Variants in CSMD1 observed in about 807,000 individuals in gnomAD.
CSMD1 encodes CUB and sushi domain-containing protein 1.
In CSMD1, 213 loss-of-function variants were observed where a neutral mutation model predicts 417.5. That is an observed-to-expected ratio of 0.51 (90% CI 0.46 to 0.57). The LOEUF is 0.57. Ranked by LOEUF, CSMD1 falls within the 20% of genes least tolerant of loss-of-function variation. The probability of loss-of-function intolerance (pLI) is 0.00; values close to 1 mark genes in which losing one functional copy is unlikely to be tolerated. For synonymous variants in CSMD1, 2,862 were observed against 1,736.8 expected (o/e 1.65, Z -16.11); for missense variants, 6,923 against 4,529.7 (o/e 1.53, Z -15.17).
chr8:4,209,252 G>A (rs1460834773), intron 3 of CSMD1, among the ~76,000 whole-genome samples: 2 of 152,136 alleles, frequency 1.3e-5, no homozygotes, highest in African/African-American at 2.4e-5. Context: ...AAACGAAAAA[G>A]AGGCAGCCAG....
At chr8:3,216,318 TTC>T (rs1797878523) in intron 29 of CSMD1, among the ~76,000 whole-genome samples, 1 of 152,162 alleles carries the variant, frequency 6.6e-6, no homozygotes, top group Non-Finnish European at 1.5e-5. Context: ...TGCTCAGTTT[TTC>T]TGATATTTTA....
In CSMD1 at chr8:4,689,058, T is replaced by G. The variant is rs181439934; in HGVS notation, c.86-51500A>C. 5.4e-4 allele frequency among the ~76,000 whole-genome samples: 82 copies of G among 152,330 alleles called. 1 individual carries two copies. Among genetic ancestry groups the G allele is most frequent in the South Asian group, 2.7e-3 (13 of 4,822 alleles). Reference sequence around the variant, plus strand: ...TCTGCTGTCCACATAATAACTTGCTTTATTCAAGAGTGAATACATTTGCAC... The same window carrying G: ...TCTGCTGTCCACATAATAACTTGCTGTATTCAAGAGTGAATACATTTGCAC... On this transcript the variant is annotated intron_variant, in intron 1 of 69. Coordinates refer to ENST00000635120, the MANE Select transcript of CSMD1 (RefSeq NM_033225.6).
At chr8:3,888,383 G>C (rs1333741861) in intron 5 of CSMD1, among the ~76,000 whole-genome samples, 1 of 152,198 alleles carries the variant, frequency 6.6e-6, no homozygotes, top group East Asian at 1.9e-4. Flanking sequence ...AAGCTTCATA[G>C]AGAAGCCTAT....
At chr8:4,117,412 C>T (rs1282868885) in intron 3 of CSMD1, among the ~76,000 whole-genome samples, 1 of 151,910 alleles carries the variant, frequency 6.6e-6, no homozygotes, top group Admixed American at 6.6e-5. Flanking sequence ...CTCTGCCTGC[C>T]GCAAGGTAAA....
chr8:4,232,757 C>G (rs939948476), intron 3 of CSMD1, among the ~76,000 whole-genome samples: 2 of 152,214 alleles, frequency 1.3e-5, no homozygotes, highest in African/African-American at 4.8e-5. Flanking sequence ...TCACTGCTAT[C>G]TGGTTAAAAC....
rs570087116 is a variant in CSMD1 at position 4,380,377 on chromosome 8, T to C, written c.415+39576A>G. On this transcript the variant is annotated intron_variant, in intron 3 of 69. Coordinates refer to ENST00000635120, the MANE Select transcript of CSMD1 (RefSeq NM_033225.6). ...ACCTCTAGTTTTCCTCCCAAAAATC[T>C]ATAGCTCCAGTCAACACATGAGGAA... 2.6e-5 allele frequency among the ~76,000 whole-genome samples: 4 copies of C among 152,284 alleles called. No individual in the cohort carries two copies. The South Asian group carries it at 8.3e-4, about 32-fold the overall frequency.
intron 26 of CSMD1, among the ~76,000 whole-genome samples, chr8:3,269,334 G>C (rs575033448): frequency 6.6e-6 from 1 of 152,334 alleles, no homozygotes; most frequent in East Asian, 1.9e-4. Flanking sequence ...GATGGCTCCA[G>C]CTACGCTTGT....
rs149859905 is a variant in CSMD1, at chr8:3,574,170, A to G, written c.1344+775T>C. Among the ~76,000 whole-genome samples the G allele has an allele frequency of 5.3e-5, 8 of 152,370 alleles. No homozygotes were observed. The East Asian group carries it at 1.5e-3, about 29-fold the overall frequency. ...AGAGGAAAACACGCTCAGATGTTTAATTCTTGAAAAACGTATATAGCTTAT... is the reference window on the plus strand; with the variant it reads ...AGAGGAAAACACGCTCAGATGTTTAGTTCTTGAAAAACGTATATAGCTTAT... On this transcript the variant is annotated intron_variant, in intron 10 of 69. Coordinates refer to ENST00000635120, the MANE Select transcript of CSMD1 (RefSeq NM_033225.6).
intron 20 of CSMD1, among the ~76,000 whole-genome samples, chr8:3,366,385 AG>A (rs34367307): frequency 0.23 from 34,695 of 152,066 alleles, 4,001 homozygotes; most frequent in Middle Eastern, 0.28. Flanking sequence ...TCTTATCTGT[AG>A]AAAAAATTAG....
chr8:3,471,353 C>G (rs1004951566), intron 11 of CSMD1, among the ~76,000 whole-genome samples: 3 of 152,136 alleles, frequency 2.0e-5, no homozygotes, highest in African/African-American at 4.8e-5. Context: ...AGATACCAGT[C>G]CTTGTCAGAA....
chr8:3,050,124 G>A (rs963821337), intron 50 of CSMD1, among the ~76,000 whole-genome samples: 3 of 145,926 alleles, frequency 2.1e-5, no homozygotes, highest in Admixed American at 2.0e-4. Context: ...AAAAAAAACT[G>A]ATGATTGGTC....
intron 3 of CSMD1, among the ~76,000 whole-genome samples, chr8:4,332,197 G>C (rs998754045): frequency 6.6e-6 from 1 of 152,114 alleles, no homozygotes; most frequent in Non-Finnish European, 1.5e-5. Context: ...AATGAGGTTT[G>C]TGAGCAAACA....
At chr8:4,375,946 T>A (rs1384004426) in intron 3 of CSMD1, among the ~76,000 whole-genome samples, 1 of 152,180 alleles carries the variant, frequency 6.6e-6, no homozygotes, top group Non-Finnish European at 1.5e-5. Flanking sequence ...GAGAGTTTCC[T>A]GGCAACCTCC....
At chr8:4,696,934 G>C (rs915678932) in intron 1 of CSMD1, among the ~76,000 whole-genome samples, 1 of 152,296 alleles carries the variant, frequency 6.6e-6, no homozygotes, top group South Asian at 2.1e-4. Context: ...AGCACTTTAG[G>C]AGGCCGAGCT....
intron 5 of CSMD1, among the ~76,000 whole-genome samples, chr8:3,953,270 G>A (rs1405576637): frequency 6.6e-6 from 1 of 152,036 alleles, no homozygotes; most frequent in East Asian, 1.9e-4. Flanking sequence ...TTTTACCCTG[G>A]ATTAAGAGAA....
At chr8:4,364,117 T>C (rs1801934164) in intron 3 of CSMD1, among the ~76,000 whole-genome samples, 1 of 152,218 alleles carries the variant, frequency 6.6e-6, no homozygotes, top group Non-Finnish European at 1.5e-5. Context: ...CATGTCTTTA[T>C]TATGCATTGC....
At chr8:3,525,562 A>T (rs1283963031) in intron 10 of CSMD1, among the ~76,000 whole-genome samples, 1 of 152,174 alleles carries the variant, frequency 6.6e-6, no homozygotes, top group African/African-American at 2.4e-5. Flanking sequence ...CTCTCTTGAC[A>T]GTTCAGGGAA....
intron 5 of CSMD1, among the ~76,000 whole-genome samples, chr8:3,782,552 G>T (rs936467180): frequency 1.3e-5 from 2 of 152,176 alleles, no homozygotes; most frequent in African/African-American, 4.8e-5. Context: ...GGTAAATGAT[G>T]AGTTGATGGG....
rs1040175262 is a variant in CSMD1, at chr8:3,520,049, G to A, written c.1345-26323C>T. Among the ~76,000 whole-genome samples, 3 of 110,860 alleles carry A rather than the reference G, an allele frequency of 2.7e-5. No homozygotes were observed. In the Admixed American group the frequency reaches 2.8e-4, roughly 10 times the overall value. 72.7% of individuals were successfully genotyped at this position (110,860 alleles called of 152,430 possible). On this transcript the variant is annotated intron_variant, in intron 10 of 69. Transcript: ENST00000635120. ...ATATATATATATATATACACGTATAGTTGTGAAACTTGCTCCACAGTAATA... is the reference window on the plus strand; with the variant it reads ...ATATATATATATATATACACGTATAATTGTGAAACTTGCTCCACAGTAATA...
Sources: gnomAD v4.1 joint callset for allele counts (sites outside exome capture counted in the v4.1 genomes callset) on GRCh38, gnomAD v4.1.1 for gene constraint, MANE v1.5 for transcripts, NCBI Gene and HGNC (gene_info 2026-07-23, HGNC 2026-07-21) for gene names.